The following RIT2 variants were observed in gnomAD, a reference collection of about 807,000 sequenced individuals.
The protein encoded by RIT2 is Ras like without CAAX 2.
A neutral mutation model predicts 23.7 loss-of-function variants in RIT2; 24 were observed. The observed-to-expected ratio is 1.01, with a 90% confidence interval of 0.73 to 1.43. RIT2 has a LOEUF of 1.43. Ranked by LOEUF, RIT2 falls within the 40% of genes most tolerant of loss-of-function variation. RIT2 has a pLI of 0.00. For missense variants in RIT2, 236 were observed against 266.9 expected (o/e 0.88, Z 0.81); for synonymous variants, 107 against 91.1 (o/e 1.17, Z -0.99).
chr18:42,832,384 G>A (rs759226819), intron 4 of RIT2, among the ~76,000 whole-genome samples: 2 of 152,172 alleles, frequency 1.3e-5, no homozygotes, highest in Non-Finnish European at 2.9e-5. Flanking sequence ...ATATAGGCCA[G>A]TCACTTGATC....
intron 1 of RIT2, among the ~76,000 whole-genome samples, chr18:43,057,118 T>C (rs900902952): frequency 6.6e-6 from 1 of 151,850 alleles, no homozygotes; most frequent in African/African-American, 2.4e-5. Flanking sequence ...TATAGAATAT[T>C]GAGTTATATA....
chr18:43,000,236 GC>G (rs1452417736), intron 2 of RIT2, among the ~76,000 whole-genome samples: 1 of 152,050 alleles, frequency 6.6e-6, no homozygotes. Flanking sequence ...TATGAATGTT[GC>G]CATGTGTCAC....
At chr18:42,755,605 C>A (rs1368317369) in intron 4 of RIT2, among the ~76,000 whole-genome samples, 1 of 152,118 alleles carries the variant, frequency 6.6e-6, no homozygotes. Flanking sequence ...TTTTTCATCA[C>A]CCATCAGTAT....
At chr18:43,081,721 A>G (rs752121639) in intron 1 of RIT2, among the ~76,000 whole-genome samples, 1 of 152,156 alleles carries the variant, frequency 6.6e-6, no homozygotes, top group African/African-American at 2.4e-5. Context: ...TTCTGCCCTC[A>G]TTTATCACAC....
intron 4 of RIT2, among the ~76,000 whole-genome samples, chr18:42,920,232 G>A (rs1291104192): frequency 6.6e-6 from 1 of 152,086 alleles, no homozygotes; most frequent in African/African-American, 2.4e-5. Flanking sequence ...AAAAAAATAA[G>A]TTCATGATAA....
chr18:43,086,826 T>C (rs997045025), intron 1 of RIT2, among the ~76,000 whole-genome samples: 1 of 152,206 alleles, frequency 6.6e-6, no homozygotes, highest in Non-Finnish European at 1.5e-5. Context: ...ACTAAATGGC[T>C]TCTCAAAGAC....
Position 43,115,419 on chromosome 18 carries a change from CT to C in RIT2, c.100del (p.Ser34AlafsTer3). The C allele has an allele frequency of 6.2e-7, 1 of 1,613,194 alleles. No homozygotes were observed. The highest frequency in any genetic ancestry group is 8.5e-7 in the Non-Finnish European group (1 of 1,179,702). On this transcript the variant is annotated frameshift_variant, in exon 1 of 5. Coordinates refer to ENST00000326695, the MANE Select transcript of RIT2 (RefSeq NM_002930.4). LOFTEE classifies it high-confidence loss of function. Reference protein sequence around the residue: ...VMLGAGGVGKSAMTMQFISHQ... With the variant: ...VMLGAGGVGKXAMTMQFISHQ... Reference sequence around the variant, plus strand: ...CAGCATTTGGTGTGAAAACTTACCGCTTTTACCAACTCCCCCTGCTCCCAGC... The same window carrying C: ...CAGCATTTGGTGTGAAAACTTACCGCTTTACCAACTCCCCCTGCTCCCAGC...
intron 4 of RIT2, among the ~76,000 whole-genome samples, chr18:42,888,073 C>T (rs1267191085): frequency 6.6e-6 from 1 of 152,046 alleles, no homozygotes; most frequent in Non-Finnish European, 1.5e-5. Flanking sequence ...TTTTATGCTA[C>T]ATGAATTATG....
chr18:43,073,582 G>A (rs548344146), intron 1 of RIT2, among the ~76,000 whole-genome samples: 29 of 152,242 alleles, frequency 1.9e-4, no homozygotes, highest in Admixed American at 1.7e-3. Context: ...GATTATCTAA[G>A]CCTTTAAATT....
chr18:42,809,717 T>A (rs1234956193), intron 4 of RIT2, among the ~76,000 whole-genome samples: 10 of 150,930 alleles, frequency 6.6e-5, no homozygotes, highest in African/African-American at 2.4e-4. Flanking sequence ...TATTTCAAGA[T>A]AGCTAGAAGA....
intron 4 of RIT2, among the ~76,000 whole-genome samples, chr18:42,759,890 G>A (rs745946016): frequency 1.3e-5 from 2 of 151,622 alleles, no homozygotes; most frequent in African/African-American, 2.4e-5. Context: ...TGATTCTCCC[G>A]CCTCAGCTTC....
chr18:42,894,188 G>A (rs1465362154), intron 4 of RIT2, among the ~76,000 whole-genome samples: 1 of 152,172 alleles, frequency 6.6e-6, no homozygotes, highest in African/African-American at 2.4e-5. Flanking sequence ...AAGACAGGAT[G>A]TTGGCATAGT....
chr18:42,744,320 A>T (rs2143871362), intron 4 of RIT2, among the ~76,000 whole-genome samples: 1 of 152,324 alleles, frequency 6.6e-6, no homozygotes, highest in South Asian at 2.1e-4. Context: ...CCTCAGTCAC[A>T]TTTAAAAATA....
chr18:43,091,165 T>A (rs951926109), intron 1 of RIT2, among the ~76,000 whole-genome samples: 1 of 151,648 alleles, frequency 6.6e-6, no homozygotes, highest in South Asian at 2.1e-4. Flanking sequence ...TAATATATAT[T>A]ATATATTTCA....
At chr18:42,935,866 G>A (rs1041106602) in intron 3 of RIT2, among the ~76,000 whole-genome samples, 16 of 152,032 alleles carry the variant, frequency 1.1e-4, no homozygotes, top group Non-Finnish European at 2.2e-4. Flanking sequence ...GGTCCGGATT[G>A]GCTATCCACT....
intron 4 of RIT2, among the ~76,000 whole-genome samples, chr18:42,782,190 G>T (rs1913825644): frequency 6.6e-6 from 1 of 152,090 alleles, no homozygotes; most frequent in Non-Finnish European, 1.5e-5. Flanking sequence ...TTGACATTTA[G>T]TTGGGCTGCT....
chr18:42,800,885 T>G (rs1034547384), intron 4 of RIT2, among the ~76,000 whole-genome samples: 3 of 152,168 alleles, frequency 2.0e-5, no homozygotes, highest in African/African-American at 7.2e-5. Context: ...GTTTCCTATA[T>G]TGGAATTATT....
chr18:43,045,351 T>C (rs1173311276), intron 1 of RIT2, among the ~76,000 whole-genome samples: 1 of 152,168 alleles, frequency 6.6e-6, no homozygotes, highest in Non-Finnish European at 1.5e-5. Context: ...ATCTAATCCA[T>C]ATGAGAATTA....
intron 1 of RIT2, among the ~76,000 whole-genome samples, chr18:43,055,200 T>C (rs1312709328): frequency 6.6e-6 from 1 of 152,110 alleles, no homozygotes; most frequent in African/African-American, 2.4e-5. Flanking sequence ...AGTTATGTAT[T>C]TAAATAACAA....
Sources: gnomAD v4.1 joint callset for allele counts (sites outside exome capture counted in the v4.1 genomes callset) on GRCh38, gnomAD v4.1.1 for gene constraint, MANE v1.5 for transcripts, NCBI Gene and HGNC (gene_info 2026-07-23, HGNC 2026-07-21) for gene names.